The following TG variants were observed in gnomAD, a reference collection of about 807,000 sequenced individuals.
The protein encoded by TG is thyroglobulin, also known as thyroid hormones.
TG carries 270 observed loss-of-function variants against 324.7 expected under a neutral mutation model. That is an observed-to-expected ratio of 0.83 (90% CI 0.75 to 0.92). The LOEUF is 0.92. Ranked by LOEUF, TG falls within the 40% of genes least tolerant of loss-of-function variation. The pLI is 0.00. For synonymous variants in TG, 1,401 were observed against 1,327.0 expected (o/e 1.06, Z -1.21); for missense variants, 3,591 against 3,456.4 (o/e 1.04, Z -0.98).
Position 132,941,450 on chromosome 8 carries a change from G to A in TG, c.5141G>A (p.Gly1714Glu), listed in dbSNP as rs1314271375. 6.2e-7 allele frequency: 1 copy of A among 1,614,194 alleles called. No individual in the cohort carries two copies. The highest frequency in any genetic ancestry group is 1.1e-5 in the South Asian group (1 of 91,092). Residue 1714 changes from glycine to glutamate, a missense_variant, in exon 26 of 48, where the codon GGA (glycine) becomes GAA (glutamate). Coordinates refer to ENST00000220616, the MANE Select transcript of TG (RefSeq NM_003235.5). ...AACCCCATTGTGTTCTCAGCCTCAGGAGCCAATCTAACCGATGCTCACCTC... is the reference window on the plus strand; with the variant it reads ...AACCCCATTGTGTTCTCAGCCTCAGAAGCCAATCTAACCGATGCTCACCTC... Reference protein sequence around the residue: ...LYNPIVFSASGANLTDAHLFC... With the variant: ...LYNPIVFSASEANLTDAHLFC...
chr8:133,114,860 A>G (rs1850551939), intron 44 of TG, among the ~76,000 whole-genome samples: 1 of 152,186 alleles, frequency 6.6e-6, no homozygotes, highest in Non-Finnish European at 1.5e-5. Context: ...TCCACTCAGG[A>G]GCCTGTGGTT....
chr8:133,129,056 C>T (rs544408288), intron 45 of TG, among the ~76,000 whole-genome samples: 2 of 152,324 alleles, frequency 1.3e-5, no homozygotes, highest in East Asian at 3.9e-4. Context: ...TCCTGGAACT[C>T]CCAGCCAGTG....
chr8:132,995,177 A>G, intron 35 of TG: 1 of 961,392 alleles, frequency 1.0e-6, no homozygotes, highest in South Asian at 4.9e-5. Flanking sequence ...ACCTAGGGAA[A>G]GTCACTGCAC....
At chr8:133,054,823 G>C (rs866761686) in intron 41 of TG, among the ~76,000 whole-genome samples, 1 of 152,194 alleles carries the variant, frequency 6.6e-6, no homozygotes, top group African/African-American at 2.4e-5. Context: ...ACCCAGGCAG[G>C]CCTTACGGGA....
intron 20 of TG, among the ~76,000 whole-genome samples, chr8:132,918,301 C>G (rs539420355): frequency 6.6e-6 from 1 of 152,028 alleles, no homozygotes; most frequent in East Asian, 1.9e-4. Flanking sequence ...GCAGGTTGGC[C>G]GAAAGGCTTT....
At chr8:133,094,246 T>C (rs1402324336) in intron 41 of TG, among the ~76,000 whole-genome samples, 16 of 147,670 alleles carry the variant, frequency 1.1e-4, no homozygotes, top group Admixed American at 1.3e-4. Context: ...CGTTTTCTTT[T>C]TTTTTTTTTT....
Position 132,939,053 on chromosome 8 carries a change from A to C in TG, c.5042-2298A>C, listed in dbSNP as rs1824034136. Among the ~76,000 whole-genome samples the C allele has an allele frequency of 1.3e-5, 2 of 150,876 alleles. 1 individual carries two copies. Among genetic ancestry groups the C allele is most frequent in the Non-Finnish European group, 3.0e-5 (2 of 67,540 alleles). On this transcript the variant is annotated intron_variant, in intron 25 of 47. Coordinates refer to ENST00000220616, the MANE Select transcript of TG (RefSeq NM_003235.5). ...GGCAACAGCAGGAGTCTCAAAAAAAAAAAAAAAAAAAAAAAGCAGCCCACC... is the reference window on the plus strand; with the variant it reads ...GGCAACAGCAGGAGTCTCAAAAAAACAAAAAAAAAAAAAAAGCAGCCCACC...
At chr8:133,127,105 T>G (rs1259499883) in intron 45 of TG, among the ~76,000 whole-genome samples, 1 of 152,122 alleles carries the variant, frequency 6.6e-6, no homozygotes, top group Non-Finnish European at 1.5e-5. Flanking sequence ...GGCTTCCCCA[T>G]GCAAAACAGT....
At chr8:132,949,979 G>A (rs776237912) in intron 27 of TG, among the ~76,000 whole-genome samples, 14 of 152,334 alleles carry the variant, frequency 9.2e-5, no homozygotes, top group Non-Finnish European at 1.6e-4. Context: ...AGCACCACCA[G>A]CACCACCATC....
At chr8:132,869,588 TCTCCA>T in intron 2 of TG, 136 bp from the exon 3 acceptor site, 1 of 746,382 alleles carries the variant, frequency 1.3e-6, no homozygotes, top group Non-Finnish European at 2.3e-6. Context: ...CAGCCACCCT[TCTCCA>T]CTCCACTCTC....
At chr8:133,073,093 C>T (rs1203097189) in intron 41 of TG, 1 of 152,190 alleles carries the variant, frequency 6.6e-6, no homozygotes, top group Non-Finnish European at 1.5e-5. Flanking sequence ...TACAGAGAAA[C>T]TGGTCTTCTT....
chr8:132,981,829 G>A (rs1044066885), intron 34 of TG, among the ~76,000 whole-genome samples: 2 of 152,158 alleles, frequency 1.3e-5, no homozygotes, highest in African/African-American at 4.8e-5. Flanking sequence ...GTGCTTCCAG[G>A]CAGATGATGC....
chr8:132,967,360 C>T (rs936987923), intron 30 of TG, among the ~76,000 whole-genome samples: 1 of 152,194 alleles, frequency 6.6e-6, no homozygotes, highest in Non-Finnish European at 1.5e-5. Context: ...AACCATGTTC[C>T]TTGCCCTTGG....
intron 34 of TG, among the ~76,000 whole-genome samples, chr8:132,975,217 C>G (rs1830041817): frequency 6.6e-6 from 1 of 152,164 alleles, no homozygotes; most frequent in African/African-American, 2.4e-5. Context: ...TCCCCCTTGC[C>G]CCATCTGTCC....
At chr8:133,049,314 C>T (rs527661760) in intron 41 of TG, 32 of 373,806 alleles carry the variant, frequency 8.6e-5, no homozygotes, top group Non-Finnish European at 1.1e-4. Flanking sequence ...CTGTGTGTTT[C>T]TGGATAGGTA....
At chr8:132,918,315 T>C (rs1443896029) in intron 20 of TG, among the ~76,000 whole-genome samples, 1 of 152,160 alleles carries the variant, frequency 6.6e-6, no homozygotes, top group East Asian at 1.9e-4. Flanking sequence ...AGGCTTTTGT[T>C]TTCCTTCAGC....
At chr8:133,017,697 G>A (rs1379426914) in intron 37 of TG, 81 bp from the exon 38 acceptor site, 1 of 1,340,044 alleles carries the variant, frequency 7.5e-7, no homozygotes, top group East Asian at 2.3e-5. Flanking sequence ...TTTGTTGAAA[G>A]CACATTCAGA....
At chr8:132,983,838 A>G (rs1831201503) in intron 35 of TG, 3 of 302,500 alleles carry the variant, frequency 9.9e-6, no homozygotes, top group South Asian at 3.1e-5. Context: ...TATCGGCCAC[A>G]CTGGGCAGCA....
At chr8:132,908,448 A>G in intron 18 of TG, 108 bp downstream of exon 18, 1 of 280,542 alleles carries the variant, frequency 3.6e-6, no homozygotes, top group African/African-American at 1.9e-5. Flanking sequence ...CAGGGGCCCC[A>G]TCTTCAAGTG....
Sources: gnomAD v4.1 joint callset for allele counts (sites outside exome capture counted in the v4.1 genomes callset) on GRCh38, gnomAD v4.1.1 for gene constraint, MANE v1.5 for transcripts, NCBI Gene and HGNC (gene_info 2026-07-23, HGNC 2026-07-21) for gene names.